PACRG: variants seen among roughly 807,000 people sequenced by gnomAD.
PACRG encodes parkin coregulated gene protein.
Under a neutral mutation model 29.7 loss-of-function variants are expected in PACRG, and 29 were observed. That is an observed-to-expected ratio of 0.98 (90% CI 0.73 to 1.33). The LOEUF is 1.33. PACRG is among the 40% of genes most tolerant of loss of function. PACRG has a pLI of 0.00. For missense variants in PACRG, 279 were observed against 316.2 expected, an observed-to-expected ratio of 0.88 and a Z score of 0.89; for synonymous variants, 116 against 118.7, an observed-to-expected ratio of 0.98 and a Z score of 0.15.
chr6:163,234,913 A>T (rs1323455963), intron 4 of PACRG, among the ~76,000 whole-genome samples: 7 of 152,176 alleles, frequency 4.6e-5, no homozygotes, highest in Non-Finnish European at 1.5e-5. Context: ...CTTTTTAAAA[A>T]GTTGATTTTG....
intron 4 of PACRG, among the ~76,000 whole-genome samples, chr6:163,160,686 A>G (rs1450504535): frequency 1.3e-5 from 2 of 152,180 alleles, no homozygotes; most frequent in East Asian, 1.9e-4. Flanking sequence ...TTAAACAGCT[A>G]TTTTGCCCCC....
At chr6:162,947,843 C>T (rs981029889) in intron 2 of PACRG, among the ~76,000 whole-genome samples, 3 of 150,344 alleles carry the variant, frequency 2.0e-5, no homozygotes, top group Non-Finnish European at 4.4e-5. Context: ...TAAATTTAAC[C>T]AAGGAGGTGA....
intron 4 of PACRG, among the ~76,000 whole-genome samples, chr6:163,148,914 A>T (rs1169934788): frequency 1.6e-5 from 2 of 127,416 alleles, no homozygotes; most frequent in African/African-American, 3.0e-5. Context: ...TGATCCATGC[A>T]CAGTATTCTC....
intron 2 of PACRG, among the ~76,000 whole-genome samples, chr6:163,020,431 C>T (rs914955841): frequency 6.6e-6 from 1 of 152,100 alleles, no homozygotes; most frequent in Non-Finnish European, 1.5e-5. Context: ...TAAAACCAAA[C>T]ACGCAGAGAC....
At chr6:162,953,096 A>G (rs554790103) in intron 2 of PACRG, among the ~76,000 whole-genome samples, 99 of 152,136 alleles carry the variant, frequency 6.5e-4, no homozygotes, top group Admixed American at 1.4e-3. Context: ...AAACCTGGGA[A>G]TTCAGGGGAG....
chr6:163,079,617 A>G (rs1812882193), intron 3 of PACRG, among the ~76,000 whole-genome samples: 1 of 151,926 alleles, frequency 6.6e-6, no homozygotes, highest in Non-Finnish European at 1.5e-5. Context: ...AACAACTACT[A>G]TTTTCCTAGG....
intron 2 of PACRG, among the ~76,000 whole-genome samples, chr6:162,879,720 G>C (rs1793674094): frequency 6.6e-6 from 1 of 152,078 alleles, no homozygotes; most frequent in Non-Finnish European, 1.5e-5. Flanking sequence ...AGATAGGACA[G>C]TGAGTAAGAC....
chr6:163,133,186 G>A (rs1299428571), intron 4 of PACRG, among the ~76,000 whole-genome samples: 1 of 152,188 alleles, frequency 6.6e-6, no homozygotes, highest in East Asian at 1.9e-4. Context: ...GGTTGATGTT[G>A]TGGAGGAGGT....
chr6:163,095,504 G>A (rs765486087), intron 4 of PACRG: 135 of 877,432 alleles, frequency 1.5e-4, no homozygotes, highest in Non-Finnish European at 1.6e-4. Context: ...GAAATGTATC[G>A]TCTCCCAGTT....
intron 2 of PACRG, among the ~76,000 whole-genome samples, chr6:162,979,701 A>G (rs1802247971): frequency 6.6e-6 from 1 of 152,170 alleles, no homozygotes; most frequent in African/African-American, 2.4e-5. Flanking sequence ...AAATGTTGGT[A>G]TAATTTTATA....
rs992964426 is a variant in PACRG at position 163,220,643 on chromosome 6, G to C, written c.614-94184G>C. ...AGACCACTTTTTGAAACTTCCAGATGTGTGTGATTTGGAGATAAATATTTG... is the reference window on the plus strand; with the variant it reads ...AGACCACTTTTTGAAACTTCCAGATCTGTGTGATTTGGAGATAAATATTTG... On this transcript the variant is annotated intron_variant, in intron 4 of 4. Transcript: ENST00000366888. Among the ~76,000 whole-genome samples the C allele has an allele frequency of 4.5e-4, 68 of 152,300 alleles. 1 individual carries two copies. The highest frequency in any genetic ancestry group is 1.4e-3 in the African/African-American group (58 of 41,572).
chr6:163,135,186 T>C (rs80057115), intron 4 of PACRG, among the ~76,000 whole-genome samples: 1 of 74,996 alleles, frequency 1.3e-5, no homozygotes, highest in Admixed American at 1.5e-4. Context: ...AGTTAAGTCA[T>C]TTTTTTTTTT....
chr6:163,066,615 G>A (rs1811569659), intron 3 of PACRG, among the ~76,000 whole-genome samples: 1 of 152,184 alleles, frequency 6.6e-6, no homozygotes, highest in African/African-American at 2.4e-5. Flanking sequence ...GATAAAGGTA[G>A]TTAAACAGAG....
Position 162,728,294 on chromosome 6 carries a change from G to A in PACRG, c.59G>A (p.Arg20Lys). 2 of 1,614,058 alleles carry A rather than the reference G, an allele frequency of 1.2e-6. No individual in the cohort carries two copies. The highest frequency in any genetic ancestry group is 1.7e-6 in the Non-Finnish European group (2 of 1,180,030). The change falls in exon 1 of 5, where the codon AGG (arginine) becomes AAG (lysine). Residue 20 changes from arginine (R) to lysine (K), a missense_variant. Coordinates refer to ENST00000366888, the MANE Select transcript of PACRG (RefSeq NM_001080379.2). ...LNKCPDKMPK[R>K]TKLLAQQPLP... ...AAATGCCCAGACAAGATGCCGAAGA[G>A]GACCAAGCTGCTGGCACAACAGCCG...
chr6:163,132,517 C>A (rs1383124632), intron 4 of PACRG, among the ~76,000 whole-genome samples: 2 of 152,116 alleles, frequency 1.3e-5, no homozygotes, highest in African/African-American at 2.4e-5. Flanking sequence ...AATCTTTGAG[C>A]AATTTGTGCG....
intron 2 of PACRG, among the ~76,000 whole-genome samples, chr6:162,835,695 T>C (rs1789164449): frequency 6.6e-6 from 1 of 152,112 alleles, no homozygotes; most frequent in Non-Finnish European, 1.5e-5. Flanking sequence ...TGGTGTTATA[T>C]ATTACACAAG....
chr6:162,809,075 A>G (rs1321789275), intron 1 of PACRG, among the ~76,000 whole-genome samples: 1 of 152,186 alleles, frequency 6.6e-6, no homozygotes, highest in African/African-American at 2.4e-5. Context: ...TATAGAATAT[A>G]AAAATGGTAT....
chr6:163,294,630 A>T (rs1784725790), intron 4 of PACRG, among the ~76,000 whole-genome samples: 1 of 152,206 alleles, frequency 6.6e-6, no homozygotes, highest in African/African-American at 2.4e-5. Flanking sequence ...TTGCATTTAA[A>T]TTCTACCAAT....
At chr6:162,824,168 T>C (rs1260624907) in intron 2 of PACRG, among the ~76,000 whole-genome samples, 2 of 152,124 alleles carry the variant, frequency 1.3e-5, no homozygotes, top group African/African-American at 4.8e-5. Context: ...TGTTGTTTCT[T>C]GAGTTGACTG....
Sources: gnomAD v4.1 joint callset for allele counts (sites outside exome capture counted in the v4.1 genomes callset) on GRCh38, gnomAD v4.1.1 for gene constraint, MANE v1.5 for transcripts, NCBI Gene and HGNC (gene_info 2026-07-23, HGNC 2026-07-21) for gene names.